RICTOR: variants seen among roughly 807,000 people sequenced by gnomAD.
RICTOR encodes rapamycin-insensitive companion of mTOR.
Under a neutral mutation model 214.9 loss-of-function variants are expected in RICTOR, and 49 were observed. The observed-to-expected ratio is 0.23, with a 90% CI of 0.18 to 0.29. The LOEUF (loss-of-function observed/expected upper bound fraction) is 0.29. Among genes scored for constraint, RICTOR ranks in the 10% least tolerant of loss-of-function variants. The pLI is 1.00. For synonymous variants in RICTOR, 717 were observed against 711.3 expected (o/e 1.01, Z -0.13); for missense variants, 1,625 against 2,047.0 (o/e 0.79, Z 3.98).
chr5:38,959,318 G>A lies in RICTOR; in HGVS notation c.2055C>T (p.Leu685=), dbSNP rs76264043. 1.2e-3 allele frequency: 1,826 copies of A among 1,518,924 alleles called. 21 individuals carry two copies. In the African/African-American group the frequency reaches 0.018, roughly 15 times the overall value. The allele number at this position is 1,518,924 out of a possible 1,614,324, so 94.1% of individuals were successfully genotyped here. A position where few individuals can be genotyped will look rare whatever the true frequency, so the allele number is the denominator to read the frequency against. Residue 685 remains leucine (L), a synonymous_variant, in exon 22 of 38, where the codon CTC becomes CTT. Coordinates refer to ENST00000357387, the MANE Select transcript of RICTOR (RefSeq NM_152756.5). ...MLEKCSVFQC[L]LNLCSLKNQD... ...GGTTTTTCAAGGAGCAAAGATTAAG[G>A]AGACTTAAAAGAAAAAAAAAATAAG...
chr5:38,955,087 A>G (rs61631310), intron 26 of RICTOR, among the ~76,000 whole-genome samples: 2,247 of 152,084 alleles, frequency 0.015, 53 homozygotes, highest in African/African-American at 0.051. Flanking sequence ...CTGACATGAC[A>G]CTGTAAGTGG....
chr5:39,022,440 GC>G, intron 2 of RICTOR: 1 of 157,018 alleles, frequency 6.4e-6, no homozygotes, highest in Non-Finnish European at 1.4e-5. Context: ...GGTGCTGCCA[GC>G]GGTGTTTCTG....
intron 7 of RICTOR, among the ~76,000 whole-genome samples, chr5:38,986,089 C>A (rs761979981): frequency 3.3e-5 from 5 of 152,186 alleles, no homozygotes; most frequent in Non-Finnish European, 7.3e-5. Flanking sequence ...CCACCCAAAT[C>A]TCATCTCAAA....
chr5:38,989,785 C>T (rs976013123), intron 7 of RICTOR, among the ~76,000 whole-genome samples: 2 of 152,078 alleles, frequency 1.3e-5, no homozygotes, highest in African/African-American at 4.8e-5. Flanking sequence ...AAATGCAAAT[C>T]GAAACCACAA....
rs2112745389 is a variant in RICTOR at position 38,939,055 on chromosome 5, T to A, written c.*3249A>T. On this transcript the variant is annotated 3_prime_UTR_variant, in exon 38 of 38. Coordinates refer to ENST00000357387, the MANE Select transcript of RICTOR (RefSeq NM_152756.5). The stretch of plus-strand genomic sequence containing the variant: ...GTTCATCTCACACAAAATTAGCACC[T>A]CACTCTTACCATGCAAAAATAACTG... The A allele has an allele frequency of 4.3e-6, 1 of 233,064 alleles. No individual in the cohort carries two copies. Among genetic ancestry groups the A allele is most frequent in the Admixed American group, 5.6e-5 (1 of 17,784 alleles). The allele number at this position is 233,064 out of a possible 1,614,324, so 14.4% of individuals were successfully genotyped here.
At chr5:39,017,585 TATC>T (rs1316442714) in intron 3 of RICTOR, among the ~76,000 whole-genome samples, 1 of 152,108 alleles carries the variant, frequency 6.6e-6, no homozygotes, top group Non-Finnish European at 1.5e-5. Flanking sequence ...AAAATCATTT[TATC>T]ATCTCTTATA....
chr5:39,001,400 T>TTGCC lies in RICTOR; in HGVS notation c.392+1131_392+1134dup, dbSNP rs572846668. On this transcript the variant is annotated intron_variant, in intron 5 of 37. Transcript: ENST00000357387. The stretch of plus-strand genomic sequence containing the variant: ...CATAAAGATAAAAATGAATCATGAC[T>TTGCC]TGCCATCTATCTCATATCTTACACA... Among the ~76,000 whole-genome samples, 135 of 152,190 alleles carry TTGCC rather than the reference T, an allele frequency of 8.9e-4. 1 individual carries two copies. The highest frequency in any genetic ancestry group is 6.8e-3 in the Middle Eastern group (2 of 294).
intron 12 of RICTOR, 108 bp from the exon 13 acceptor site, chr5:38,967,535 G>A: frequency 1.3e-6 from 1 of 759,170 alleles, no homozygotes; most frequent in Non-Finnish European, 2.2e-6. Context: ...AAAAAGTGCT[G>A]GTTAAATACC....
Position 39,039,233 on chromosome 5 carries a change from T to C in RICTOR, c.98-18097A>G, listed in dbSNP as rs541467524. On this transcript the variant is annotated intron_variant, in intron 2 of 37. Coordinates refer to ENST00000357387, the MANE Select transcript of RICTOR (RefSeq NM_152756.5). Reference sequence around the variant, plus strand: ...AATGGGGAAAGGATTCCCTATTTAATAAATGGTGCTGGGAAAACTGGCTAG... The same window carrying C: ...AATGGGGAAAGGATTCCCTATTTAACAAATGGTGCTGGGAAAACTGGCTAG... Among the ~76,000 whole-genome samples, 9 of 152,260 alleles carry C rather than the reference T, an allele frequency of 5.9e-5. No individual in the cohort carries two copies. In the East Asian group the frequency reaches 1.5e-3, roughly 26 times the overall value.
rs546651320 is a variant in RICTOR at position 39,074,308 on chromosome 5, T to C, written c.49+21A>G. On this transcript the variant is annotated intron_variant, in intron 1 of 37. Transcript: ENST00000357387. Reference sequence around the variant, plus strand: ...GTGGCGGGCGCCGGGCGGTGGGGAGTGAGGGTTGCAGCGGGCTTACCTCGT... The same window carrying C: ...GTGGCGGGCGCCGGGCGGTGGGGAGCGAGGGTTGCAGCGGGCTTACCTCGT... 8 of 1,553,010 alleles carry C rather than the reference T, an allele frequency of 5.2e-6. No individual in the cohort carries two copies. In the South Asian group the frequency reaches 8.3e-5, roughly 16 times the overall value.
At chr5:38,979,999 T>C (rs1751572597) in intron 8 of RICTOR, among the ~76,000 whole-genome samples, 1 of 152,218 alleles carries the variant, frequency 6.6e-6, no homozygotes, top group African/African-American at 2.4e-5. Flanking sequence ...GACTTCTCTT[T>C]CAGTTTACTA....
chr5:38,951,727 T>C (rs4869612), intron 30 of RICTOR, among the ~76,000 whole-genome samples: 144,935 of 152,042 alleles, frequency 0.95, 69,224 homozygotes, highest in East Asian at 0.99. Flanking sequence ...ATTTTATATA[T>C]AACTATTTTT....
intron 2 of RICTOR, among the ~76,000 whole-genome samples, chr5:39,066,678 A>G (rs1055103957): frequency 6.6e-6 from 1 of 152,226 alleles, no homozygotes; most frequent in Non-Finnish European, 1.5e-5. Context: ...ATGGGCTGTT[A>G]GCAGCATCCA....
chr5:38,951,321 T>C (rs1302437415), intron 30 of RICTOR, among the ~76,000 whole-genome samples: 1 of 151,988 alleles, frequency 6.6e-6, no homozygotes, highest in East Asian at 1.9e-4. Flanking sequence ...TTTTCTTTTA[T>C]TAACTTTTCT....
At chr5:39,023,740 C>T (rs1368981876) in intron 2 of RICTOR, among the ~76,000 whole-genome samples, 1 of 152,148 alleles carries the variant, frequency 6.6e-6, no homozygotes, top group Non-Finnish European at 1.5e-5. Context: ...CACTGTCCTG[C>T]TTTAAATTTA....
intron 31 of RICTOR, chr5:38,949,491 A>G: frequency 7.1e-7 from 1 of 1,417,474 alleles, no homozygotes; most frequent in South Asian, 1.3e-5. Context: ...CAAAGCATGT[A>G]TGTTTATTTT....
intron 2 of RICTOR, among the ~76,000 whole-genome samples, chr5:39,033,562 C>T (rs927579753): frequency 1.3e-5 from 2 of 152,012 alleles, no homozygotes; most frequent in African/African-American, 4.8e-5. Flanking sequence ...GCACCTGGCC[C>T]ACCAGTGTCC....
rs1750097154 is a variant in RICTOR at position 38,964,951 on chromosome 5, A to T, written c.1300-59T>A. The T allele has an allele frequency of 1.2e-5, 12 of 973,984 alleles. No individual in the cohort carries two copies. The South Asian group carries it at 1.7e-4, about 14-fold the overall frequency. 60.3% of individuals were successfully genotyped at this position (973,984 alleles called of 1,614,324 possible). A position where few individuals can be genotyped will look rare whatever the true frequency, so the allele number is the denominator to read the frequency against. ...CAGAAGTAGAAAGAGTTTATGTCAC[A>T]GATTACCTGCACATATAATGCTGTA... is the stretch of plus-strand genomic sequence containing the variant. On this transcript the variant is annotated intron_variant, in intron 15 of 37. Coordinates refer to ENST00000357387, the MANE Select transcript of RICTOR (RefSeq NM_152756.5).
chr5:39,008,746 G>T (rs996717915), intron 3 of RICTOR, among the ~76,000 whole-genome samples: 4 of 150,722 alleles, frequency 2.7e-5, no homozygotes, highest in Non-Finnish European at 4.4e-5. Flanking sequence ...CCATTTCAAA[G>T]AATTAAAATA....
Sources: allele counts gnomAD v4.1 joint callset (sites outside exome capture counted in the v4.1 genomes callset), GRCh38; gene constraint gnomAD v4.1.1; transcripts MANE v1.5; gene names NCBI Gene and HGNC (gene_info 2026-07-23, HGNC 2026-07-21).